DMD: variants seen among roughly 807,000 people sequenced by gnomAD.
DMD encodes the protein mutant dystrophin.
DMD carries 63 observed loss-of-function variants against 330.1 expected under a neutral mutation model. The observed-to-expected ratio is 0.19, with a 90% CI of 0.16 to 0.24. DMD has a LOEUF of 0.24. DMD is among the 10% of genes least tolerant of loss of function. The pLI is 1.00. For synonymous variants in DMD, 1,223 were observed against 959.8 expected (o/e 1.27, Z -5.07); for missense variants, 3,344 against 2,684.1 (o/e 1.25, Z -5.43).
chrX:33,110,693 A>G (rs1569555165), intron 1 of DMD, among the ~76,000 whole-genome samples: 1 of 111,225 alleles, frequency 9.0e-6, no homozygotes, highest in Non-Finnish European at 1.9e-5. Context: ...TTTTCCTATC[A>G]TGGTTCATGG....
At chrX:31,912,708 T>C (rs55787823) in intron 47 of DMD, among the ~76,000 whole-genome samples, 19,599 of 110,763 alleles carry the variant, frequency 0.18, 1,405 homozygotes, top group East Asian at 0.25. Flanking sequence ...TTGTTCCTGT[T>C]TCCAGGTGAG....
At chrX:31,146,490 C>T (rs1006615976) in intron 75 of DMD, 76 bp from the exon 76 acceptor site, 24 of 1,044,357 alleles carry the variant, frequency 2.3e-5, no homozygotes, top group Non-Finnish European at 3.0e-5. Context: ...ATATGATACA[C>T]ACTCAGGACT....
chrX:32,092,429 A>G, intron 44 of DMD, among the ~76,000 whole-genome samples: 1 of 112,044 alleles, frequency 8.9e-6, no homozygotes, highest in Non-Finnish European at 1.9e-5. Flanking sequence ...AAGCAACAGC[A>G]GTAGATGGAA....
chrX:31,879,217 G>GGT (rs748838447), intron 47 of DMD, among the ~76,000 whole-genome samples: 27 of 103,827 alleles, frequency 2.6e-4, no homozygotes, highest in Non-Finnish European at 4.8e-4. Context: ...GGCGGGGGGG[G>GGT]GCCTCACAAT....
At chrX:33,189,225 T>C (rs1196938138) in intron 1 of DMD, among the ~76,000 whole-genome samples, 1 of 111,242 alleles carries the variant, frequency 9.0e-6, no homozygotes, top group African/African-American at 3.3e-5. Context: ...TGCCCTTAGA[T>C]ATGTATTTGT....
At chrX:32,561,592 A>T (rs1212009280) in intron 16 of DMD, among the ~76,000 whole-genome samples, 1 of 111,784 alleles carries the variant, frequency 8.9e-6, no homozygotes, top group Non-Finnish European at 1.9e-5. Flanking sequence ...ACTTCAGGAT[A>T]TCATCCAGGA....
chrX:32,643,359 G>T (rs2059591801), intron 11 of DMD, among the ~76,000 whole-genome samples: 1 of 105,973 alleles, frequency 9.4e-6, no homozygotes, highest in Admixed American at 1.0e-4. Context: ...TAACGCTTTT[G>T]AACTTCATAA....
chrX:31,939,829 T>C (rs1455446436), intron 45 of DMD, among the ~76,000 whole-genome samples: 1 of 112,007 alleles, frequency 8.9e-6, no homozygotes, highest in Admixed American at 9.5e-5. Context: ...AATTGAACTT[T>C]TGATGAGCCA....
intron 3 of DMD, among the ~76,000 whole-genome samples, chrX:32,845,369 C>T (rs1387102848): frequency 1.8e-5 from 2 of 111,824 alleles, no homozygotes; most frequent in Non-Finnish European, 3.8e-5. Flanking sequence ...ATTCTCAATC[C>T]CAAAAGTTGT....
intron 54 of DMD, among the ~76,000 whole-genome samples, chrX:31,637,269 A>G (rs1273433687): frequency 8.9e-6 from 1 of 111,968 alleles, no homozygotes; most frequent in East Asian, 2.8e-4. Flanking sequence ...AAAACTTATC[A>G]AAATAAAGAT....
At chrX:31,171,093 C>G (rs1317742724) in intron 73 of DMD, among the ~76,000 whole-genome samples, 1 of 112,099 alleles carries the variant, frequency 8.9e-6, no homozygotes, top group Admixed American at 9.5e-5. Context: ...GATTCTTTGG[C>G]CACACATTTT....
At chrX:31,213,436 C>T (rs4498713) in intron 64 of DMD, among the ~76,000 whole-genome samples, 2,393 of 108,646 alleles carry the variant, frequency 0.022, 58 homozygotes, top group African/African-American at 0.072. Flanking sequence ...AGGTTACCCA[C>T]GGGATATAAG....
chrX:33,299,704 T>C (rs2053634440), intron 1 of DMD, among the ~76,000 whole-genome samples: 1 of 112,283 alleles, frequency 8.9e-6, no homozygotes. Flanking sequence ...TGACAATTGG[T>C]AGATGTTTTA....
chrX:32,964,143 C>A (rs1004637060), intron 2 of DMD, among the ~76,000 whole-genome samples: 1 of 105,283 alleles, frequency 9.5e-6, no homozygotes, highest in African/African-American at 3.5e-5. Context: ...GTAGTCCCAG[C>A]TATTCGGGAG....
At chrX:32,771,647 T>C (rs141072906) in intron 7 of DMD, among the ~76,000 whole-genome samples, 1,133 of 111,370 alleles carry the variant, frequency 0.01, 11 homozygotes, top group South Asian at 0.044. Context: ...ATAACAACAA[T>C]TGGTTAAATA....
chrX:32,638,906 G>C (rs1012193880), intron 11 of DMD, among the ~76,000 whole-genome samples: 1 of 111,128 alleles, frequency 9.0e-6, no homozygotes, highest in East Asian at 2.9e-4. Context: ...GAAAAAAAAA[G>C]AGATGAGCCA....
intron 44 of DMD, among the ~76,000 whole-genome samples, chrX:32,033,653 G>GAAAGAAAGAAAGAAAGAAAGAAAGAAAGA (rs201179363): frequency 6.8e-5 from 4 of 59,084 alleles, no homozygotes; most frequent in African/African-American, 2.8e-4. Context: ...AAGAAAGAAA[G>GAAAGAAAGAAAGAAAGAAAGAAAGAAAGA]AAGAAAGAAA....
intron 60 of DMD, among the ~76,000 whole-genome samples, chrX:31,392,632 C>T (rs1323025386): frequency 8.9e-6 from 1 of 112,193 alleles, no homozygotes; most frequent in Non-Finnish European, 1.9e-5. Context: ...CACACATGCA[C>T]ACTGGAGAGA....
At chrX:32,112,917 T>G (rs1332530262) in intron 44 of DMD, among the ~76,000 whole-genome samples, 1 of 111,884 alleles carries the variant, frequency 8.9e-6, no homozygotes, top group Non-Finnish European at 1.9e-5. Flanking sequence ...ACATCTGAAT[T>G]CATGTGTTTC....
Sources: gnomAD v4.1 joint callset for allele counts (sites outside exome capture counted in the v4.1 genomes callset) on GRCh38, gnomAD v4.1.1 for gene constraint, MANE v1.5 for transcripts, NCBI Gene and HGNC (gene_info 2026-07-23, HGNC 2026-07-21) for gene names.